The following CCDC30 variants were observed in gnomAD, a reference collection of about 807,000 sequenced individuals.
CCDC30 encodes the protein coiled-coil domain containing 30.
In CCDC30, 70 loss-of-function variants were observed where a neutral mutation model predicts 100.2. The observed-to-expected ratio is 0.70, with a 90% confidence interval of 0.58 to 0.85. The LOEUF is 0.85. CCDC30 is among the 40% of genes least tolerant of loss of function. The pLI is 0.00. For missense variants in CCDC30, 652 were observed against 771.2 expected (o/e 0.85, Z 1.83); for synonymous variants, 233 against 269.5 (o/e 0.86, Z 1.33).
At chr1:42,536,627 C>A (rs772890058) in intron 6 of CCDC30, 26 bp downstream of exon 7, 59 of 1,465,840 alleles carry the variant, frequency 4.0e-5, no homozygotes, top group Non-Finnish European at 5.4e-5. Flanking sequence ...AAGCTGTTTT[C>A]TTCTTCTTGT....
intron 6 of CCDC30, among the ~76,000 whole-genome samples, chr1:42,511,058 G>A (rs1343750951): frequency 6.6e-6 from 1 of 152,038 alleles, no homozygotes; most frequent in African/African-American, 2.4e-5. Context: ...CGAGAAAAAG[G>A]CGTCCCTTTA....
At chr1:42,541,656 C>A (rs12404048) in intron 6 of CCDC30, among the ~76,000 whole-genome samples, 20,726 of 152,224 alleles carry the variant, frequency 0.14, 1,556 homozygotes, top group East Asian at 0.19. Context: ...GCAATAGATA[C>A]ATATCTTGTG....
chr1:42,604,192 A>G (rs915885881), intron 10 of CCDC30, among the ~76,000 whole-genome samples: 1 of 152,180 alleles, frequency 6.6e-6, no homozygotes, highest in Non-Finnish European at 1.5e-5. Flanking sequence ...CCACCCCAGC[A>G]TGGGCAACAA....
At chr1:42,547,153 T>A (rs7523159) in intron 6 of CCDC30, among the ~76,000 whole-genome samples, 58,457 of 151,668 alleles carry the variant, frequency 0.39, 11,767 homozygotes, top group East Asian at 0.59. Flanking sequence ...CATCTTGGAG[T>A]GACGATGGGG....
chr1:42,646,328 C>T lies in CCDC30; in HGVS notation c.1854+11C>T. On this transcript the variant is annotated intron_variant, in intron 15 of 16. Transcript: ENST00000668663. ...CACTCTGAGCAGATGGTAGGAGAATCCAACTTCCACATCCACAATACCCTT... is the reference window on the plus strand; with the variant it reads ...CACTCTGAGCAGATGGTAGGAGAATTCAACTTCCACATCCACAATACCCTT... 1 of 1,474,582 alleles carries T rather than the reference C, an allele frequency of 6.8e-7. No individual in the cohort carries two copies. The highest frequency in any genetic ancestry group is 9.0e-7 in the Non-Finnish European group (1 of 1,109,424). 91.3% of individuals were successfully genotyped at this position (1,474,582 alleles called of 1,614,324 possible). A position where few individuals can be genotyped will look rare whatever the true frequency, so the allele number is the denominator to read the frequency against.
At chr1:42,531,896 G>T (rs574445832) in intron 6 of CCDC30, among the ~76,000 whole-genome samples, 2 of 152,274 alleles carry the variant, frequency 1.3e-5, no homozygotes, top group African/African-American at 4.8e-5. Context: ...CAGAAATTCA[G>T]AGAGGGTAGG....
chr1:42,510,423 C>T (rs1345452114), intron 6 of CCDC30, among the ~76,000 whole-genome samples: 1 of 152,056 alleles, frequency 6.6e-6, no homozygotes, highest in Non-Finnish European at 1.5e-5. Flanking sequence ...CTTTGGGGGG[C>T]CAAGGTGGGC....
chr1:42,611,568 A>T (rs767002966), intron 11 of CCDC30, among the ~76,000 whole-genome samples: 1 of 152,156 alleles, frequency 6.6e-6, no homozygotes, highest in Non-Finnish European at 1.5e-5. Flanking sequence ...ATACATACAT[A>T]CATACATATA....
intron 1 of CCDC30, among the ~76,000 whole-genome samples, chr1:42,472,071 T>C (rs1643786914): frequency 6.6e-6 from 1 of 152,120 alleles, no homozygotes; most frequent in Non-Finnish European, 1.5e-5. Context: ...CTGACCAACA[T>C]GGTGAAACCT....
intron 6 of CCDC30, among the ~76,000 whole-genome samples, chr1:42,504,435 C>G (rs776452755): frequency 6.6e-6 from 1 of 152,100 alleles, no homozygotes; most frequent in Non-Finnish European, 1.5e-5. Context: ...AAAGGGGTGC[C>G]CTGTGGAGAA....
At chr1:42,550,419 A>C (rs1346643842) in intron 6 of CCDC30, among the ~76,000 whole-genome samples, 1 of 152,128 alleles carries the variant, frequency 6.6e-6, no homozygotes, top group Non-Finnish European at 1.5e-5. Context: ...TTCCTATTGC[A>C]CTTAAAATCT....
chr1:42,566,747 T>G (rs1645614354), intron 7 of CCDC30, among the ~76,000 whole-genome samples: 1 of 152,210 alleles, frequency 6.6e-6, no homozygotes, highest in Non-Finnish European at 1.5e-5. Context: ...ACCCGAGCCC[T>G]AAACCCTGGT....
At chr1:42,640,802 G>A (rs1647324879) in intron 12 of CCDC30, among the ~76,000 whole-genome samples, 1 of 151,964 alleles carries the variant, frequency 6.6e-6, no homozygotes, top group African/African-American at 2.4e-5. Flanking sequence ...GCTGAGGCAG[G>A]AGAATTGCTT....
intron 6 of CCDC30, among the ~76,000 whole-genome samples, chr1:42,549,178 C>A (rs1446750102): frequency 6.6e-6 from 1 of 152,108 alleles, no homozygotes; most frequent in Non-Finnish European, 1.5e-5. Context: ...CCCTCCATTC[C>A]CATTTCACCC....
intron 3 of CCDC30, among the ~76,000 whole-genome samples, chr1:42,487,343 A>G (rs921935420): frequency 7.2e-5 from 11 of 152,200 alleles, no homozygotes; most frequent in African/African-American, 2.7e-4. Context: ...TTAAAAATAT[A>G]AGAACTGGGG....
At chr1:42,608,056 A>G (rs1475775944) in intron 10 of CCDC30, among the ~76,000 whole-genome samples, 2 of 151,690 alleles carry the variant, frequency 1.3e-5, no homozygotes, top group Non-Finnish European at 2.9e-5. Context: ...GCTCATTACC[A>G]TGTCTGTAAT....
chr1:42,632,938 T>C (rs1647068591), intron 11 of CCDC30, among the ~76,000 whole-genome samples: 1 of 151,872 alleles, frequency 6.6e-6, no homozygotes, highest in Non-Finnish European at 1.5e-5. Context: ...GTCTCCTGAG[T>C]AGCTGGGATT....
At chr1:42,544,159 C>T (rs1298584653) in intron 6 of CCDC30, among the ~76,000 whole-genome samples, 6 of 152,186 alleles carry the variant, frequency 3.9e-5, no homozygotes, top group Non-Finnish European at 5.9e-5. Context: ...TCCCAAAGTG[C>T]TAGGATTACA....
At chr1:42,588,784 C>G (rs1221273432) in intron 9 of CCDC30, among the ~76,000 whole-genome samples, 1 of 152,144 alleles carries the variant, frequency 6.6e-6, no homozygotes, top group African/African-American at 2.4e-5. Flanking sequence ...AAGGGCCTTT[C>G]ATTCAAAATA....
Sources: gnomAD v4.1 joint callset for allele counts (sites outside exome capture counted in the v4.1 genomes callset) on GRCh38, gnomAD v4.1.1 for gene constraint, MANE v1.5 for transcripts, NCBI Gene and HGNC (gene_info 2026-07-23, HGNC 2026-07-21) for gene names.